The following PSG2 variants were observed in gnomAD, a reference collection of about 807,000 sequenced individuals.
The protein encoded by PSG2 is pregnancy specific beta-1-glycoprotein 2.
Under a neutral mutation model 36.2 loss-of-function variants are expected in PSG2, and 49 were observed. The ratio of observed to expected loss-of-function variants is 1.35; its 90% CI spans 1.08 to 1.72. The LOEUF is 1.72. Ranked by LOEUF, PSG2 falls within the 40% of genes most tolerant of loss-of-function variation. PSG2 has a pLI of 0.00. For synonymous variants in PSG2, 261 were observed against 155.6 expected (o/e 1.68, Z -5.04); for missense variants, 605 against 407.2 (o/e 1.49, Z -4.18).
chr19:43,079,448 A>G (rs531841062), intron 2 of PSG2, among the ~76,000 whole-genome samples: 3 of 151,734 alleles, frequency 2.0e-5, no homozygotes, highest in South Asian at 4.2e-4. Flanking sequence ...TCCAACATCC[A>G]GTCTCTAAAG....
chr19:43,075,130 G>A (rs59192211), intron 3 of PSG2, among the ~76,000 whole-genome samples: 22 of 151,690 alleles, frequency 1.5e-4, no homozygotes, highest in Non-Finnish European at 2.9e-4. Context: ...CCCATCACAA[G>A]CTGTGGACCC....
Position 43,082,543 on chromosome 19 carries a change from G to A in PSG2, c.27C>T (p.Cys9=), listed in dbSNP as rs149133018. 4.3e-6 allele frequency: 7 copies of A among 1,612,026 alleles called. No individual in the cohort carries two copies. Among genetic ancestry groups the A allele is most frequent in the Non-Finnish European group, 5.9e-6 (7 of 1,179,144 alleles). The change falls in exon 1 of 6, where the codon TGC becomes TGT. Residue 9 remains cysteine, a synonymous_variant. Coordinates refer to ENST00000406487, the MANE Select transcript of PSG2 (RefSeq NM_031246.4). ...GCCCCTTCCATTTGATGTGCTCTGT[G>A]CAGGGAGGGGCTGAGAGGGGCCCCA... The part of the protein sequence containing the change: MGPLSAPP[C]TEHIKWKGLL...
At chr19:43,078,332 A>C (rs1469925567) in intron 2 of PSG2, among the ~76,000 whole-genome samples, 2 of 151,794 alleles carry the variant, frequency 1.3e-5, no homozygotes, top group African/African-American at 2.4e-5. Context: ...AGGGAACCGA[A>C]TTCTGCTAAA....
chr19:43,065,004 T>G (rs923085360), intron 5 of PSG2, among the ~76,000 whole-genome samples: 1 of 151,502 alleles, frequency 6.6e-6, no homozygotes, highest in African/African-American at 2.4e-5. Flanking sequence ...GCTAATTTTG[T>G]TTTTGCATTT....
intron 4 of PSG2, among the ~76,000 whole-genome samples, chr19:43,069,089 T>TA (rs1967781753): frequency 6.6e-6 from 1 of 151,570 alleles, no homozygotes; most frequent in African/African-American, 2.4e-5. Context: ...GAAGGGAAAT[T>TA]AGGAAAAAAA....
Position 43,066,580 on chromosome 19 carries a change from G to T in PSG2, c.985C>A (p.Leu329Ile). The T allele has an allele frequency of 6.2e-7, 1 of 1,601,566 alleles. No individual in the cohort carries two copies. The highest frequency in any genetic ancestry group is 8.6e-7 in the Non-Finnish European group (1 of 1,169,296). ...KVSASTRIGL[L>I]PLLNPT ...TGCTATGTTGGATTAAGGAGAGGAAGAAGTCCTATTCTTGTAGAAGCTGTC... is the reference window on the plus strand; with the variant it reads ...TGCTATGTTGGATTAAGGAGAGGAATAAGTCCTATTCTTGTAGAAGCTGTC... Residue 329 changes from leucine (L) to isoleucine (I), a missense_variant, in exon 5 of 6, where the codon CTT becomes ATT. By Grantham distance (5) the Leu-to-Ile change is conservative. Coordinates refer to ENST00000406487, the MANE Select transcript of PSG2 (RefSeq NM_031246.4).
Position 43,066,549 on chromosome 19 carries a change from C to G in PSG2, c.*8G>C, listed in dbSNP as rs1466556501. On this transcript the variant is annotated 3_prime_UTR_variant, in exon 5 of 6. Coordinates refer to ENST00000406487, the MANE Select transcript of PSG2 (RefSeq NM_031246.4). ...TCTTCCTGAAATACAGAAATGACAT[C>G]ACAGCTGCTATGTTGGATTAAGGAG... The G allele has an allele frequency of 1.9e-6, 3 of 1,592,806 alleles. No individual in the cohort carries two copies. The highest frequency in any genetic ancestry group is 1.7e-4 in the Middle Eastern group (1 of 6,018).
At chr19:43,079,983 A>T (rs1295391343) in intron 2 of PSG2, among the ~76,000 whole-genome samples, 1 of 151,692 alleles carries the variant, frequency 6.6e-6, no homozygotes, top group African/African-American at 2.4e-5. Flanking sequence ...AAATAAGCTA[A>T]ATGGCAAATG....
chr19:43,073,408 C>T (rs1271318132), intron 3 of PSG2, among the ~76,000 whole-genome samples: 2 of 151,714 alleles, frequency 1.3e-5, no homozygotes, highest in Admixed American at 6.6e-5. Context: ...AGGTGAGGAC[C>T]ATGTGGATCT....
intron 2 of PSG2, 151 bp from the exon 3 acceptor site, chr19:43,075,783 G>C: frequency 9.6e-6 from 14 of 1,455,276 alleles, no homozygotes; most frequent in Non-Finnish European, 1.3e-5. Context: ...ACAGATGCAT[G>C]GCAATCTGAG....
chr19:43,071,919 T>G lies in PSG2; in HGVS notation c.745A>C (p.Thr249Pro), dbSNP rs199815097. ...PDLPRIHPSY[T>P]NYRSGDNLYL... ...AGGTTATCTCCTGAACGGTAATTGG[T>G]GTATGAAGGGTGAATTCTGGGGAGG... Residue 249 changes from threonine to proline, a missense_variant, in exon 4 of 6, where the codon ACC (threonine) becomes CCC (proline). Thr to Pro is a conservative substitution (Grantham distance 38). Coordinates refer to ENST00000406487, the MANE Select transcript of PSG2 (RefSeq NM_031246.4). 5.6e-5 allele frequency: 91 copies of G among 1,612,568 alleles called. 1 individual carries two copies. The highest frequency in any genetic ancestry group is 1.3e-4 in the Admixed American group (8 of 59,946).
Position 43,077,561 on chromosome 19 carries a change from A to C in PSG2, c.431-1929T>G, listed in dbSNP as rs543514687. On this transcript the variant is annotated intron_variant, in intron 2 of 5. Transcript: ENST00000406487. ...CCAATGGCTCATGTGTCTCCCCACA[A>C]GAAGAACTCCAACTTATGAAAACGG... is the stretch of plus-strand genomic sequence containing the variant. 5.4e-4 allele frequency among the ~76,000 whole-genome samples: 82 copies of C among 151,810 alleles called. 2 individuals carry two copies. Among genetic ancestry groups the C allele is most frequent in the African/African-American group, 1.5e-3 (61 of 41,182 alleles).
In PSG2 at chr19:43,066,678, A is replaced by G. The variant is rs368191579; in HGVS notation, c.965-78T>C. ...GGGGAGCATCAGGAACAAGCATGTA[A>G]CATGAGGTACTCTATAATTGTTTCT... is the stretch of plus-strand genomic sequence containing the variant. On this transcript the variant is annotated intron_variant, in intron 4 of 5. Transcript: ENST00000406487. 1.1e-4 allele frequency: 152 copies of G among 1,433,528 alleles called. 7 individuals carry two copies. In the African/African-American group the frequency reaches 1.8e-3, roughly 17 times the overall value. 88.8% of individuals were successfully genotyped at this position (1,433,528 alleles called of 1,614,324 possible). A position where few individuals can be genotyped will look rare whatever the true frequency, so the allele number is the denominator to read the frequency against.
At chr19:43,082,257 C>T in intron 1 of PSG2, 2 of 478,898 alleles carry the variant, frequency 4.2e-6, no homozygotes, top group South Asian at 4.6e-5. Flanking sequence ...TCTCCTGCCA[C>T]AGCCTCCTGA....
At chr19:43,082,018 C>T (rs966849010) in intron 1 of PSG2, 2 of 154,400 alleles carry the variant, frequency 1.3e-5, no homozygotes, top group African/African-American at 4.9e-5. Context: ...TTACCAATTC[C>T]AGTTCAATGT....
chr19:43,066,699 T>TTTC, intron 4 of PSG2, 99 bp from the exon 5 acceptor site: 1 of 1,411,062 alleles, frequency 7.1e-7, no homozygotes, highest in Non-Finnish European at 9.9e-7. Context: ...TCTATAATTG[T>TTTC]TTCTTCAAGG....
chr19:43,072,068 C>G (rs574529942), intron 3 of PSG2, 114 bp from the exon 4 acceptor site: 9 of 1,456,478 alleles, frequency 6.2e-6, no homozygotes, highest in Middle Eastern at 3.9e-4. Context: ...CAAGTCCCAG[C>G]AAAACCCCCT....
At chr19:43,074,143 G>T (rs913866681) in intron 3 of PSG2, among the ~76,000 whole-genome samples, 1 of 151,576 alleles carries the variant, frequency 6.6e-6, no homozygotes, top group Non-Finnish European at 1.5e-5. Context: ...TTTCATGGTT[G>T]CATCTTTTTC....
At position 43,066,601 on chromosome 19, in the gene PSG2, C is replaced by A. The variant is rs759428111; in HGVS notation, c.965-1G>T. On this transcript the variant is annotated splice_acceptor_variant, in intron 4 of 5. Transcript: ENST00000406487. LOFTEE classifies it high-confidence loss of function. ...GGAAGAAGTCCTATTCTTGTAGAAG[C>A]TGTCATGGAAAGAAAAGTAAAGAAG... is the stretch of plus-strand genomic sequence containing the variant. The A allele has an allele frequency of 6.3e-7, 1 of 1,597,098 alleles. No individual in the cohort carries two copies. The highest frequency in any genetic ancestry group is 8.6e-7 in the Non-Finnish European group (1 of 1,165,386).
Sources: allele counts gnomAD v4.1 joint callset (sites outside exome capture counted in the v4.1 genomes callset), GRCh38; gene constraint gnomAD v4.1.1; transcripts MANE v1.5; gene names NCBI Gene and HGNC (gene_info 2026-07-23, HGNC 2026-07-21).